EPB41L3: variants seen among roughly 807,000 people sequenced by gnomAD.
EPB41L3 encodes the protein erythrocyte membrane protein band 4.1 like 3, also known as band 4.1-like protein 3.
In EPB41L3, 57 loss-of-function variants were observed where a neutral mutation model predicts 127.1. The ratio of observed to expected loss-of-function variants is 0.45; its 90% CI spans 0.36 to 0.56. The LOEUF (loss-of-function observed/expected upper bound fraction) is 0.56, where lower values mean the gene tolerates loss of function less well. EPB41L3 is among the 20% of genes least tolerant of loss of function. EPB41L3 has a pLI of 0.00. For synonymous variants in EPB41L3, 572 were observed against 549.5 expected (o/e 1.04, Z -0.57); for missense variants, 1,273 against 1,372.2 (o/e 0.93, Z 1.14).
chr18:5,524,759 AG>A (rs2093156702), intron 1 of EPB41L3, among the ~76,000 whole-genome samples: 1 of 152,162 alleles, frequency 6.6e-6, no homozygotes, highest in Admixed American at 6.5e-5. Context: ...GAATGTTTCT[AG>A]TGGAGAATGT....
intron 2 of EPB41L3, among the ~76,000 whole-genome samples, chr18:5,488,124 C>A (rs567804728): frequency 6.6e-6 from 1 of 152,076 alleles, no homozygotes; most frequent in African/African-American, 2.4e-5. Flanking sequence ...AAAAGTAATG[C>A]ATTATTCCTG....
At chr18:5,527,896 T>C (rs1255438745) in intron 1 of EPB41L3, among the ~76,000 whole-genome samples, 1 of 152,144 alleles carries the variant, frequency 6.6e-6, no homozygotes, top group Non-Finnish European at 1.5e-5. Context: ...AAACACACCA[T>C]AGAATACTAC....
chr18:5,497,570 G>A (rs923861120), intron 1 of EPB41L3, among the ~76,000 whole-genome samples: 2 of 152,156 alleles, frequency 1.3e-5, no homozygotes, highest in Non-Finnish European at 2.9e-5. Context: ...GTTTCCAATA[G>A]GCCCTAAGGC....
intron 1 of EPB41L3, among the ~76,000 whole-genome samples, chr18:5,505,648 A>C (rs1227771229): frequency 5.4e-5 from 4 of 73,572 alleles, no homozygotes; most frequent in Non-Finnish European, 8.2e-5. Context: ...CTCCACCCCT[A>C]CCATCCACAC....
chr18:5,614,771 C>T (rs1302410848), intron 1 of EPB41L3, among the ~76,000 whole-genome samples: 10 of 152,132 alleles, frequency 6.6e-5, no homozygotes, highest in Admixed American at 6.5e-4. Flanking sequence ...TGAGTTGTAA[C>T]TTTAGTGTCA....
chr18:5,566,811 T>C (rs573421193), intron 3 of EPB41L3, among the ~76,000 whole-genome samples: 3 of 151,488 alleles, frequency 2.0e-5, no homozygotes, highest in Non-Finnish European at 2.9e-5. Flanking sequence ...TCCATTCTAA[T>C]TTTATTTTTT....
rs990559866 is a variant in EPB41L3, at chr18:5,441,665, C to T, written c.529+2173G>A. On this transcript the variant is annotated intron_variant, in intron 5 of 22. Coordinates refer to ENST00000341928, the MANE Select transcript of EPB41L3 (RefSeq NM_012307.5). ...ATTTTTAGTAGAGACGGGGTTTCAC[C>T]GTGTCAGCCAGGATGGTCTCGATCT... Among the ~76,000 whole-genome samples the T allele has an allele frequency of 5.3e-5, 8 of 152,110 alleles. No individual in the cohort carries two copies. In the South Asian group the frequency reaches 1.5e-3, roughly 28 times the overall value.
intron 3 of EPB41L3, among the ~76,000 whole-genome samples, chr18:5,569,218 A>C (rs2149247127): frequency 6.6e-6 from 1 of 152,360 alleles, no homozygotes; most frequent in South Asian, 2.1e-4. Flanking sequence ...ATTTTTAGTT[A>C]GATGGCTGCA....
chr18:5,605,100 T>C (rs1310357383), intron 3 of EPB41L3, among the ~76,000 whole-genome samples: 1 of 152,018 alleles, frequency 6.6e-6, no homozygotes, highest in Non-Finnish European at 1.5e-5. Context: ...GAAGAAATGC[T>C]CCAGCCCTCT....
At chr18:5,524,173 T>C (rs142091794) in intron 1 of EPB41L3, among the ~76,000 whole-genome samples, 246 of 152,194 alleles carry the variant, frequency 1.6e-3, no homozygotes, top group East Asian at 0.013. Context: ...CTTTTCATTT[T>C]TTTTTTTGTT....
Position 5,533,192 on chromosome 18 carries a change from G to A in EPB41L3, c.-12+10721C>T, listed in dbSNP as rs75589001. Among the ~76,000 whole-genome samples the A allele has an allele frequency of 8.6e-3, 1,302 of 152,218 alleles. 22 individuals carry two copies. The highest frequency in any genetic ancestry group is 0.03 in the African/African-American group (1,255 of 41,516). On this transcript the variant is annotated intron_variant, in intron 1 of 22. Coordinates refer to ENST00000341928, the MANE Select transcript of EPB41L3 (RefSeq NM_012307.5). ...TCTGAAAATGGTTACACAATTTGTC[G>A]GGCTTGCTGCCTCTTTGCGCCAAGA...
At chr18:5,483,374 A>G (rs2088990186) in intron 2 of EPB41L3, among the ~76,000 whole-genome samples, 1 of 152,188 alleles carries the variant, frequency 6.6e-6, no homozygotes, top group African/African-American at 2.4e-5. Context: ...GCAACATATT[A>G]AAACACATTA....
At chr18:5,508,790 A>G (rs1358394639) in intron 1 of EPB41L3, among the ~76,000 whole-genome samples, 1 of 149,268 alleles carries the variant, frequency 6.7e-6, no homozygotes, top group African/African-American at 2.5e-5. Context: ...AAAAAAAAAG[A>G]ATCTAGTAAG....
intron 3 of EPB41L3, among the ~76,000 whole-genome samples, chr18:5,592,724 G>A (rs1041060024): frequency 6.6e-6 from 1 of 152,188 alleles, no homozygotes; most frequent in Admixed American, 6.5e-5. Flanking sequence ...AGGTCAGAGT[G>A]GCCAGTGATT....
chr18:5,473,105 T>C (rs957041313), intron 3 of EPB41L3, among the ~76,000 whole-genome samples: 4 of 152,132 alleles, frequency 2.6e-5, no homozygotes, highest in East Asian at 1.9e-4. Flanking sequence ...TTATGTGTTA[T>C]GGCTGCATTT....
intron 3 of EPB41L3, among the ~76,000 whole-genome samples, chr18:5,476,707 T>C (rs975547818): frequency 2.1e-4 from 32 of 152,244 alleles, no homozygotes; most frequent in South Asian, 2.1e-4. Flanking sequence ...AAAATGCATC[T>C]ACACTGAAGA....
chr18:5,412,666 G>C (rs1247716643), intron 13 of EPB41L3, among the ~76,000 whole-genome samples: 1 of 152,084 alleles, frequency 6.6e-6, no homozygotes, highest in Non-Finnish European at 1.5e-5. Flanking sequence ...TTTAGCATTA[G>C]GGGACAGTGG....
intron 13 of EPB41L3, among the ~76,000 whole-genome samples, chr18:5,411,039 A>C (rs1282507932): frequency 6.6e-6 from 1 of 152,222 alleles, no homozygotes; most frequent in African/African-American, 2.4e-5. Context: ...TTGAAAGGTA[A>C]ATGAAAATGT....
At chr18:5,530,632 C>T (rs890183495) in intron 1 of EPB41L3, among the ~76,000 whole-genome samples, 3 of 152,114 alleles carry the variant, frequency 2.0e-5, no homozygotes, top group African/African-American at 7.2e-5. Context: ...ACACGCTGGT[C>T]AGTCACCTCC....
Sources: allele counts gnomAD v4.1 joint callset (sites outside exome capture counted in the v4.1 genomes callset), GRCh38; gene constraint gnomAD v4.1.1; transcripts MANE v1.5; gene names NCBI Gene and HGNC (gene_info 2026-07-23, HGNC 2026-07-21).